DNAH2: variants seen among roughly 807,000 people sequenced by gnomAD.
DNAH2 encodes the protein axonemal beta dynein heavy chain 2.
In DNAH2, 323 loss-of-function variants were observed where a neutral mutation model predicts 523.5. The observed-to-expected ratio is 0.62, with a 90% CI of 0.56 to 0.68. DNAH2 has a LOEUF of 0.68. Among genes scored for constraint, DNAH2 ranks in the 30% least tolerant of loss-of-function variants. DNAH2 has a pLI of 0.00. For synonymous variants in DNAH2, 2,093 were observed against 2,177.4 expected, an observed-to-expected ratio of 0.96 and a Z score of 1.08; for missense variants, 4,907 against 5,701.5, an observed-to-expected ratio of 0.86 and a Z score of 4.49.
chr17:7,742,006 C>T (rs2075368768), intron 11 of DNAH2, among the ~76,000 whole-genome samples: 1 of 152,044 alleles, frequency 6.6e-6, no homozygotes, highest in South Asian at 2.1e-4. Context: ...AGGAATAGGG[C>T]CGGTATCTGG....
intron 3 of DNAH2, among the ~76,000 whole-genome samples, chr17:7,726,046 C>T (rs1047592043): frequency 3.9e-5 from 6 of 152,042 alleles, no homozygotes; most frequent in Admixed American, 2.6e-4. Context: ...TGCTCTGTCG[C>T]CCAGGCTGGA....
chr17:7,801,804 C>G, intron 57 of DNAH2, 74 bp from the exon 58 acceptor site: 1 of 1,609,852 alleles, frequency 6.2e-7, no homozygotes, highest in South Asian at 1.1e-5. Context: ...CTCCTTCCCG[C>G]CTCTCATCGC....
intron 4 of DNAH2, among the ~76,000 whole-genome samples, chr17:7,730,960 CAA>C (rs1296303801): frequency 1.3e-5 from 2 of 150,626 alleles, no homozygotes; most frequent in Non-Finnish European, 3.0e-5. Flanking sequence ...ACTAAAAATA[CAA>C]AAAAAATTAG....
At chr17:7,805,203 G>A (rs1343946269) in intron 60 of DNAH2, 49 bp from the exon 61 acceptor site, 2 of 1,606,674 alleles carry the variant, frequency 1.2e-6, no homozygotes, top group Non-Finnish European at 1.7e-6. Context: ...GCTAGGTTCT[G>A]TCTCCAGAAG....
chr17:7,783,782 AGAGT>A (rs1266673050), intron 39 of DNAH2, among the ~76,000 whole-genome samples: 3 of 151,456 alleles, frequency 2.0e-5, no homozygotes, highest in African/African-American at 7.3e-5. Context: ...CCTGGGTGAC[AGAGT>A]GAGACCCTGT....
intron 85 of DNAH2, 52 bp from the exon 86 acceptor site, chr17:7,833,327 C>A (rs2078246806): frequency 6.2e-7 from 1 of 1,609,430 alleles, no homozygotes; most frequent in African/African-American, 1.3e-5. Flanking sequence ...CTGCTCCTGC[C>A]CTGCTCTCCC....
In DNAH2 at chr17:7,822,829, T is replaced by G. The variant is rs1037164086; in HGVS notation, c.11143-613T>G. 2.0e-5 allele frequency among the ~76,000 whole-genome samples: 3 copies of G among 152,270 alleles called. 1 individual carries two copies. The South Asian group carries it at 6.2e-4, about 32-fold the overall frequency. Reference sequence around the variant, plus strand: ...TGAATGAGTAAATAGTTTGTGCTTCTGTGAAGGTGAGGCTACCAACCAGTC... The same window carrying G: ...TGAATGAGTAAATAGTTTGTGCTTCGGTGAAGGTGAGGCTACCAACCAGTC... On this transcript the variant is annotated intron_variant, in intron 73 of 85. Transcript: ENST00000572933.
At chr17:7,724,541 C>G (rs1176410636) in intron 3 of DNAH2, among the ~76,000 whole-genome samples, 1 of 152,012 alleles carries the variant, frequency 6.6e-6, no homozygotes, top group Non-Finnish European at 1.5e-5. Context: ...ATTGCTTGAA[C>G]CCGAGGGCAG....
intron 42 of DNAH2, 32 bp downstream of exon 42, chr17:7,787,065 C>T (rs2076759774): frequency 6.2e-7 from 1 of 1,611,270 alleles, no homozygotes; most frequent in Non-Finnish European, 8.5e-7. Context: ...TGGAGGCCTG[C>T]AGAGGCAGGC....
chr17:7,727,409 T>G, intron 4 of DNAH2, 117 bp downstream of exon 4: 1 of 1,331,750 alleles, frequency 7.5e-7, no homozygotes, highest in Non-Finnish European at 1.0e-6. Flanking sequence ...TGAGCCCCAC[T>G]GTGTCAGGCA....
At position 7,788,247 on chromosome 17, in the gene DNAH2, A is replaced by T; in HGVS notation, c.6900+3A>T. On this transcript the variant is annotated splice_donor_region_variant and intron_variant, in intron 44 of 85. Coordinates refer to ENST00000572933, the MANE Select transcript of DNAH2 (RefSeq NM_020877.5). ...CCCTGGCCACGCCAGAGAATGGGGT[A>T]AGGGGAGGACACAGACCACGGGCAG... is the stretch of plus-strand genomic sequence containing the variant. 1 of 1,578,280 alleles carries T rather than the reference A, an allele frequency of 6.3e-7. No homozygotes were observed. The highest frequency in any genetic ancestry group is 2.3e-5 in the East Asian group (1 of 43,640).
rs1224871176 is a variant in DNAH2 at position 7,821,497 on chromosome 17, G to A, written c.11142+128G>A. On this transcript the variant is annotated intron_variant, in intron 73 of 85. Transcript: ENST00000572933. The surrounding 1 kb of genome is among the most constrained non-coding windows in gnomAD (Gnocchi z 5.0). ...CAGTGAGTGAGCTGAGAAAATCCAG[G>A]CCAGCATCAGGTGCATGGTGAGCTC... is the stretch of plus-strand genomic sequence containing the variant. 18 of 1,337,620 alleles carry A rather than the reference G, an allele frequency of 1.3e-5. No homozygotes were observed. The highest frequency in any genetic ancestry group is 1.8e-5 in the Non-Finnish European group (18 of 1,003,856). The allele number at this position is 1,337,620 out of a possible 1,614,324, so 82.9% of individuals were successfully genotyped here.
chr17:7,781,154 T>C lies in DNAH2; in HGVS notation c.6116T>C (p.Ile2039Thr), dbSNP rs2076595842. The C allele has an allele frequency of 3.1e-6, 5 of 1,614,226 alleles. No individual in the cohort carries two copies. Among genetic ancestry groups the C allele is most frequent in the Non-Finnish European group, 4.2e-6 (5 of 1,180,036 alleles). Reference sequence around the variant, plus strand: ...TTTCCCAACATTGAGCTGCCTGTCATTGACTATGGCAAGGTATTTGTTCCT... The same window carrying C: ...TTTCCCAACATTGAGCTGCCTGTCACTGACTATGGCAAGGTATTTGTTCCT... The part of the protein sequence containing the change: ...DLFPNIELPV[I>T]DYGKLRETVE... The change falls in exon 39 of 86, where the codon ATT becomes ACT. Residue 2039 changes from isoleucine (I) to threonine (T), a missense_variant. Physicochemically the swap from Ile to Thr is moderately conservative, Grantham distance 89 (BLOSUM62 -1). Coordinates refer to ENST00000572933, the MANE Select transcript of DNAH2 (RefSeq NM_020877.5).
Position 7,807,433 on chromosome 17 carries a change from G to T in DNAH2, c.9613-37G>T, listed in dbSNP as rs201345967. ...CTGGAGGTGAGGGGGTTGGTGGGTT[G>T]GTGGGCGACTCCCACAGCCTGACTG... On this transcript the variant is annotated intron_variant, in intron 62 of 85. Transcript: ENST00000572933. This position sits in a 1 kb window ranked among gnomAD's most constrained non-coding sequence, Gnocchi z 5.6. The T allele has an allele frequency of 3.8e-5, 61 of 1,610,116 alleles. No individual in the cohort carries two copies. The East Asian group carries it at 1.2e-3, about 33-fold the overall frequency.
Position 7,823,481 on chromosome 17 carries a change from A to G in DNAH2, c.11182A>G (p.Ser3728Gly), listed in dbSNP as rs1187361010. ...REGQMDNPCS[S>G]WLADAYWDNI... ...GGGCCAAATGGACAATCCATGTAGT[A>G]GCTGGCTTGCAGATGCCTACTGGGA... The change falls in exon 74 of 86, where the codon AGC becomes GGC. Residue 3728 changes from serine (S) to glycine (G), a missense_variant. By Grantham distance (56) the Ser-to-Gly change is moderately conservative. This residue lies in a region of DNAH2 where 1,851 missense variants were observed against 2,139.4 expected (regional missense o/e 0.87). Coordinates refer to ENST00000572933, the MANE Select transcript of DNAH2 (RefSeq NM_020877.5). The G allele has an allele frequency of 3.1e-6, 5 of 1,614,064 alleles. No homozygotes were observed. In the South Asian group the frequency reaches 5.5e-5, roughly 18 times the overall value.
chr17:7,785,802 A>C (rs1485645517), intron 39 of DNAH2, among the ~76,000 whole-genome samples: 2 of 152,234 alleles, frequency 1.3e-5, no homozygotes, highest in African/African-American at 4.8e-5. Context: ...CAGGCTTAAT[A>C]AATATTTGCT....
chr17:7,742,075 C>T (rs899730511), intron 11 of DNAH2, among the ~76,000 whole-genome samples: 1 of 152,146 alleles, frequency 6.6e-6, no homozygotes, highest in African/African-American at 2.4e-5. Flanking sequence ...AGGTGACACC[C>T]TTACAGAGCC....
In DNAH2 at chr17:7,786,707, G is replaced by A; in HGVS notation, c.6466+20G>A. On this transcript the variant is annotated intron_variant, in intron 41 of 85. Coordinates refer to ENST00000572933, the MANE Select transcript of DNAH2 (RefSeq NM_020877.5). The surrounding 1 kb of genome is among the most constrained non-coding windows in gnomAD (Gnocchi z 7.5). ...GTGCAGGTATCCAGAGGATCGTGGG[G>A]TGTGGAGAGCAGACGCCTGAGTCTC... The A allele has an allele frequency of 2.5e-6, 4 of 1,612,600 alleles. No homozygotes were observed. Among genetic ancestry groups the A allele is most frequent in the Non-Finnish European group, 3.4e-6 (4 of 1,179,114 alleles).
chr17:7,738,473 G>A (rs2075207091), intron 8 of DNAH2, among the ~76,000 whole-genome samples: 1 of 152,062 alleles, frequency 6.6e-6, no homozygotes, highest in African/African-American at 2.4e-5. Context: ...GGGACTACAG[G>A]TGCCCGCCAC....
Sources: allele counts gnomAD v4.1 joint callset (sites outside exome capture counted in the v4.1 genomes callset), GRCh38; gene constraint gnomAD v4.1.1; regional missense constraint gnomAD v4.1.1; non-coding constraint Gnocchi (gnomAD v3.1); transcripts MANE v1.5; gene names NCBI Gene and HGNC (gene_info 2026-07-23, HGNC 2026-07-21).